PRKD1: variants seen among roughly 807,000 people sequenced by gnomAD.
PRKD1 encodes the protein serine/threonine-protein kinase D1.
A neutral mutation model predicts 95.9 loss-of-function variants in PRKD1; 63 were observed. The observed-to-expected ratio is 0.66, with a 90% CI of 0.54 to 0.81. The LOEUF (loss-of-function observed/expected upper bound fraction) is 0.81, where lower values mean the gene tolerates loss of function less well. Among genes scored for constraint, PRKD1 ranks in the 30% least tolerant of loss-of-function variants. The probability of loss-of-function intolerance (pLI) is 0.00; values close to 1 mark genes in which losing one functional copy is unlikely to be tolerated. For synonymous variants in PRKD1, 425 were observed against 423.1 expected, an observed-to-expected ratio of 1.00 and a Z score of -0.05; for missense variants, 1,048 against 1,165.3, an observed-to-expected ratio of 0.90 and a Z score of 1.47.
At chr14:29,645,121 A>T (rs1432982237) in intron 4 of PRKD1, among the ~76,000 whole-genome samples, 1 of 152,150 alleles carries the variant, frequency 6.6e-6, no homozygotes, top group African/African-American at 2.4e-5. Flanking sequence ...CCTTGATTTT[A>T]TGCTAATATA....
intron 1 of PRKD1, among the ~76,000 whole-genome samples, chr14:29,792,521 C>T (rs1889594445): frequency 6.6e-6 from 1 of 152,040 alleles, no homozygotes; most frequent in African/African-American, 2.4e-5. Flanking sequence ...TTTAAAGTTT[C>T]GAAGACCAAA....
chr14:29,828,486 C>T (rs1217470868), intron 1 of PRKD1, among the ~76,000 whole-genome samples: 1 of 152,052 alleles, frequency 6.6e-6, no homozygotes, highest in Admixed American at 6.6e-5. Context: ...GGTCACATTT[C>T]GACAGGAGAC....
At chr14:29,895,666 C>A (rs932037545) in intron 1 of PRKD1, among the ~76,000 whole-genome samples, 1 of 152,184 alleles carries the variant, frequency 6.6e-6, no homozygotes, top group East Asian at 1.9e-4. Context: ...CACTCCATAC[C>A]AGCCTGGCAG....
chr14:29,694,914 T>C (rs1566544221), intron 2 of PRKD1, among the ~76,000 whole-genome samples: 1 of 152,028 alleles, frequency 6.6e-6, no homozygotes, highest in Non-Finnish European at 1.5e-5. Context: ...TGAAAGAATA[T>C]AAAGCCTTAG....
chr14:29,651,919 T>C (rs533023068), intron 4 of PRKD1, among the ~76,000 whole-genome samples: 14 of 152,048 alleles, frequency 9.2e-5, no homozygotes, highest in Non-Finnish European at 1.6e-4. Context: ...TAATTTTTTG[T>C]GTTTTTAGTA....
chr14:29,864,752 A>C (rs932986917), intron 1 of PRKD1, among the ~76,000 whole-genome samples: 4 of 152,152 alleles, frequency 2.6e-5, no homozygotes, highest in Admixed American at 6.6e-5. Context: ...TCTCAAGAGC[A>C]TGAGATTGAG....
intron 1 of PRKD1, among the ~76,000 whole-genome samples, chr14:29,744,468 A>T (rs766926287): frequency 2.6e-5 from 4 of 152,074 alleles, no homozygotes; most frequent in Non-Finnish European, 4.4e-5. Flanking sequence ...CCAAAACCTG[A>T]ATTAACTGCA....
intron 2 of PRKD1, among the ~76,000 whole-genome samples, chr14:29,696,328 A>G (rs1395629194): frequency 6.6e-6 from 1 of 152,190 alleles, no homozygotes; most frequent in Non-Finnish European, 1.5e-5. Flanking sequence ...ATAAAATGCT[A>G]TTTAGTATAA....
Position 29,717,887 on chromosome 14 carries a change from G to A in PRKD1, c.403+7649C>T, listed in dbSNP as rs116228387. 8.8e-3 allele frequency among the ~76,000 whole-genome samples: 1,345 copies of A among 152,150 alleles called. 16 individuals carry two copies. The highest frequency in any genetic ancestry group is 0.031 in the African/African-American group (1,292 of 41,496). ...TGCCTTGATATTTAGGGGTGCTTGA[G>A]GAAAAATAGATGGAGAAACAATGCA... On this transcript the variant is annotated intron_variant, in intron 2 of 17. Transcript: ENST00000331968.
chr14:29,826,784 T>C lies in PRKD1; in HGVS notation c.264+100465A>G, dbSNP rs1225604136. Among the ~76,000 whole-genome samples the C allele has an allele frequency of 1.1e-3, 58 of 51,506 alleles. 3 individuals carry two copies. In the South Asian group the frequency reaches 0.022, roughly 19 times the overall value. The allele number at this position is 51,506 out of a possible 152,430, so 33.8% of individuals were successfully genotyped here. ...ATATATATATACACATATATATACA[T>C]ATATACACATATATATACACATATA... On this transcript the variant is annotated intron_variant, in intron 1 of 17. Coordinates refer to ENST00000331968, the MANE Select transcript of PRKD1 (RefSeq NM_002742.3).
intron 13 of PRKD1, among the ~76,000 whole-genome samples, chr14:29,619,336 C>T (rs1250209102): frequency 6.6e-6 from 1 of 152,154 alleles, no homozygotes; most frequent in East Asian, 1.9e-4. Flanking sequence ...TCCTTTTTAA[C>T]TAACTAACCA....
At chr14:29,920,611 C>T (rs952650693) in intron 1 of PRKD1, among the ~76,000 whole-genome samples, 1 of 151,858 alleles carries the variant, frequency 6.6e-6, no homozygotes, top group Non-Finnish European at 1.5e-5. Context: ...CACACACACA[C>T]ACACACACAC....
chr14:29,735,128 A>G (rs2139419856), intron 1 of PRKD1, among the ~76,000 whole-genome samples: 1 of 152,356 alleles, frequency 6.6e-6, no homozygotes, highest in East Asian at 1.9e-4. Flanking sequence ...TTTAAAATAG[A>G]GAATAGTAAT....
chr14:29,811,877 T>G (rs547792122), intron 1 of PRKD1: 1 of 152,314 alleles, frequency 6.6e-6, no homozygotes, highest in African/African-American at 2.4e-5. Flanking sequence ...CATCACTGAG[T>G]AATGAAGCCA....
intron 2 of PRKD1, among the ~76,000 whole-genome samples, chr14:29,699,070 A>T (rs769449150): frequency 5.9e-5 from 9 of 152,348 alleles, no homozygotes; most frequent in Middle Eastern, 6.8e-3. Context: ...AATGGCAATG[A>T]CATATCAAAA....
intron 4 of PRKD1, among the ~76,000 whole-genome samples, chr14:29,658,536 A>G (rs8006940): frequency 0.036 from 5,497 of 152,176 alleles, 286 homozygotes; most frequent in African/African-American, 0.12. Flanking sequence ...GAAAAACTTT[A>G]AGAAACACAG....
intron 1 of PRKD1, among the ~76,000 whole-genome samples, chr14:29,774,147 A>G (rs1888632289): frequency 6.6e-6 from 1 of 152,238 alleles, no homozygotes. Context: ...CCTTCTCTGC[A>G]CTGAAAGTAT....
chr14:29,616,836 A>G (rs2139066416), intron 13 of PRKD1, among the ~76,000 whole-genome samples: 1 of 152,256 alleles, frequency 6.6e-6, no homozygotes, highest in South Asian at 2.1e-4. Flanking sequence ...CATGTTACAT[A>G]GGGTTTGTTA....
At chr14:29,819,744 A>T (rs2139266650) in intron 1 of PRKD1, among the ~76,000 whole-genome samples, 1 of 152,240 alleles carries the variant, frequency 6.6e-6, no homozygotes, top group East Asian at 1.9e-4. Flanking sequence ...AATAAAGCAA[A>T]TGGGGTAAAA....
Sources: allele counts gnomAD v4.1 joint callset (sites outside exome capture counted in the v4.1 genomes callset), GRCh38; gene constraint gnomAD v4.1.1; transcripts MANE v1.5; gene names NCBI Gene and HGNC (gene_info 2026-07-23, HGNC 2026-07-21).